ABCC1: variants seen among roughly 807,000 people sequenced by gnomAD.
The protein encoded by ABCC1 is ATP binding cassette subfamily C member 1 (ABCC1 blood group).
Under a neutral mutation model 172.9 loss-of-function variants are expected in ABCC1, and 83 were observed. That is an observed-to-expected ratio of 0.48 (90% confidence interval 0.40 to 0.58). ABCC1 has a LOEUF of 0.58. Among genes scored for constraint, ABCC1 ranks in the 20% least tolerant of loss-of-function variants. ABCC1 has a pLI of 0.00. For synonymous variants in ABCC1, 937 were observed against 825.2 expected (o/e 1.14, Z -2.32); for missense variants, 1,817 against 2,002.7 (o/e 0.91, Z 1.77).
intron 1 of ABCC1, among the ~76,000 whole-genome samples, chr16:15,955,863 A>G (rs1469749368): frequency 6.6e-6 from 1 of 152,198 alleles, no homozygotes; most frequent in Non-Finnish European, 1.5e-5. Flanking sequence ...TACGGCTGTA[A>G]TCCCAGCACC....
chr16:16,009,651 A>ATGT, intron 2 of ABCC1, 125 bp from the exon 3 acceptor site: 1 of 1,040,942 alleles, frequency 9.6e-7, no homozygotes. Flanking sequence ...GCCATGTCCT[A>ATGT]GGACTGTGGC....
chr16:16,108,498 T>G (rs940499186), intron 21 of ABCC1, among the ~76,000 whole-genome samples: 1 of 151,746 alleles, frequency 6.6e-6, no homozygotes, highest in African/African-American at 2.4e-5. Flanking sequence ...CTCAAACTCC[T>G]GACCTTGTGA....
intron 9 of ABCC1, among the ~76,000 whole-genome samples, chr16:16,046,621 A>G (rs1186532476): frequency 6.6e-6 from 1 of 152,200 alleles, no homozygotes; most frequent in African/African-American, 2.4e-5. Flanking sequence ...CTGGGATTAC[A>G]GGCATGAGCC....
intron 7 of ABCC1, among the ~76,000 whole-genome samples, chr16:16,040,283 T>G (rs1246721618): frequency 6.6e-6 from 1 of 151,804 alleles, no homozygotes; most frequent in Non-Finnish European, 1.5e-5. Flanking sequence ...TAATTAATTT[T>G]ATATTTTATA....
At chr16:16,008,374 A>AT (rs1270093414) in intron 2 of ABCC1, among the ~76,000 whole-genome samples, 13 of 151,224 alleles carry the variant, frequency 8.6e-5, no homozygotes, top group African/African-American at 2.9e-4. Context: ...CCAATTTTTA[A>AT]TTTATTTTTT....
At chr16:16,040,129 T>C (rs1347182770) in intron 7 of ABCC1, among the ~76,000 whole-genome samples, 2 of 151,846 alleles carry the variant, frequency 1.3e-5, no homozygotes, top group Non-Finnish European at 2.9e-5. Context: ...AGGGTCTTGC[T>C]CTGTTGCTCA....
At position 16,042,334 on chromosome 16, in the gene ABCC1, A is replaced by T. The variant is rs116297883; in HGVS notation, c.810-2116A>T. ...ATAACCCAAACTGGAGGTAAGCCAG[A>T]CATCTATTAGCAAGTGAACAGACAG... On this transcript the variant is annotated intron_variant, in intron 7 of 30. Coordinates refer to ENST00000399410, the MANE Select transcript of ABCC1 (RefSeq NM_004996.4). 4.9e-3 allele frequency among the ~76,000 whole-genome samples: 745 copies of T among 152,230 alleles called. 12 individuals are homozygous for T. Among genetic ancestry groups the T allele is most frequent in the African/African-American group, 0.017 (718 of 41,546 alleles).
At chr16:16,038,096 A>C (rs947440895) in intron 7 of ABCC1, among the ~76,000 whole-genome samples, 1 of 152,006 alleles carries the variant, frequency 6.6e-6, no homozygotes, top group African/African-American at 2.4e-5. Context: ...AGATTGATAG[A>C]TGATAGGTAG....
chr16:15,974,872 C>T (rs956450565), intron 1 of ABCC1, among the ~76,000 whole-genome samples: 12 of 152,090 alleles, frequency 7.9e-5, no homozygotes, highest in African/African-American at 2.7e-4. Context: ...CTGTAGCCTC[C>T]GTCTCCTGGG....
intron 6 of ABCC1, among the ~76,000 whole-genome samples, chr16:16,035,915 A>C (rs1484966037): frequency 6.6e-6 from 1 of 151,344 alleles, no homozygotes; most frequent in African/African-American, 2.4e-5. Context: ...GGGGTTCAAG[A>C]CCAGCTTGGG....
intron 16 of ABCC1, among the ~76,000 whole-genome samples, 169 bp downstream of exon 16, chr16:16,079,647 T>C (rs1408656258): frequency 6.6e-6 from 1 of 152,172 alleles, no homozygotes; most frequent in African/African-American, 2.4e-5. Flanking sequence ...TCTCGTTCTT[T>C]CTGTTCTGTT....
intron 5 of ABCC1, among the ~76,000 whole-genome samples, chr16:16,021,154 A>G (rs767219831): frequency 3.9e-5 from 6 of 152,088 alleles, no homozygotes; most frequent in Non-Finnish European, 7.4e-5. Flanking sequence ...TGGCACGTAT[A>G]TTATGTCTTG....
At chr16:16,125,257 C>T (rs1230633658) in intron 25 of ABCC1, among the ~76,000 whole-genome samples, 1 of 152,106 alleles carries the variant, frequency 6.6e-6, no homozygotes, top group Non-Finnish European at 1.5e-5. Flanking sequence ...CATATTGTCA[C>T]CTGGCTAAAA....
At chr16:15,980,056 T>C (rs1029837732) in intron 1 of ABCC1, among the ~76,000 whole-genome samples, 3 of 152,024 alleles carry the variant, frequency 2.0e-5, no homozygotes, top group African/African-American at 7.3e-5. Context: ...AAAAATAACA[T>C]ATAAAATAAA....
chr16:16,106,812 C>G lies in ABCC1; in HGVS notation c.2810C>G (p.Ala937Gly). The change falls in exon 21 of 31, where the codon GCT (alanine) becomes GGT (glycine). Residue 937 changes from alanine to glycine, a missense_variant. Transcript: ENST00000399410. ...HHNSTAELQKAEAKKEETWKL... is the reference protein window; with the variant it reads ...HHNSTAELQKGEAKKEETWKL... Reference sequence around the variant, plus strand: ...AACAGCACCGCAGAACTGCAGAAAGCTGAGGCCAAGAAGGAGGAGACCTGG... The same window carrying G: ...AACAGCACCGCAGAACTGCAGAAAGGTGAGGCCAAGAAGGAGGAGACCTGG... The G allele has an allele frequency of 1.9e-6, 3 of 1,614,132 alleles. 1 individual carries two copies. In the South Asian group the frequency reaches 3.3e-5, roughly 18 times the overall value.
At chr16:16,066,014 T>A (rs753896824) in intron 12 of ABCC1, among the ~76,000 whole-genome samples, 1 of 152,152 alleles carries the variant, frequency 6.6e-6, no homozygotes, top group Non-Finnish European at 1.5e-5. Flanking sequence ...CACCACTAAT[T>A]CCAGGACGTT....
chr16:16,135,346 G>T (rs1028162066), intron 28 of ABCC1, among the ~76,000 whole-genome samples: 1 of 152,276 alleles, frequency 6.6e-6, no homozygotes, highest in African/African-American at 2.4e-5. Flanking sequence ...GGAGGCTCCA[G>T]TGTCTATCAT....
chr16:16,103,123 G>A (rs1437075728), intron 20 of ABCC1, among the ~76,000 whole-genome samples: 1 of 152,180 alleles, frequency 6.6e-6, no homozygotes, highest in Non-Finnish European at 1.5e-5. Context: ...GTTGAGGCAG[G>A]AGGATCGCTT....
chr16:16,032,521 T>G (rs1193585271), intron 5 of ABCC1, among the ~76,000 whole-genome samples: 1 of 152,226 alleles, frequency 6.6e-6, no homozygotes, highest in Non-Finnish European at 1.5e-5. Flanking sequence ...CAGGAAATAC[T>G]TGTTGGATGA....
Sources: gnomAD v4.1 joint callset for allele counts (sites outside exome capture counted in the v4.1 genomes callset) on GRCh38, gnomAD v4.1.1 for gene constraint, MANE v1.5 for transcripts, NCBI Gene and HGNC (gene_info 2026-07-23, HGNC 2026-07-21) for gene names.